The following KCNAB2 variants were observed in gnomAD, a reference collection of about 807,000 sequenced individuals.
KCNAB2 encodes potassium voltage-gated channel subfamily A regulatory beta subunit 2.
KCNAB2 carries 29 observed loss-of-function variants against 63.6 expected under a neutral mutation model. The ratio of observed to expected loss-of-function variants is 0.46; its 90% CI spans 0.34 to 0.62. The LOEUF is 0.62. KCNAB2 is among the 20% of genes least tolerant of loss of function. KCNAB2 has a pLI of 0.01. For missense variants in KCNAB2, 359 were observed against 563.9 expected, an observed-to-expected ratio of 0.64 and a Z score of 3.68; for synonymous variants, 222 against 224.2, an observed-to-expected ratio of 0.99 and a Z score of 0.09.
upstream of KCNAB2, chr1:6,041,927 T>C (rs1660533630): frequency 3.3e-6 from 5 of 1,502,102 alleles, no homozygotes; most frequent in African/African-American, 2.8e-5. Flanking sequence ...AGGGAGCGGG[T>C]GGGAGGACTG....
rs147160268 is a variant in KCNAB2, at chr1:6,091,835, A to C, written c.646+528A>C. Among the ~76,000 whole-genome samples, 803 of 152,246 alleles carry C rather than the reference A, an allele frequency of 5.3e-3. 3 individuals are homozygous for C. The highest frequency in any genetic ancestry group is 0.018 in the African/African-American group (755 of 41,538). ...CACAGCACGCTGCTCCTCGGACGGCATGCTGGCTGCGTGTCCCCTCTCACC... is the reference window on the plus strand; with the variant it reads ...CACAGCACGCTGCTCCTCGGACGGCCTGCTGGCTGCGTGTCCCCTCTCACC... On this transcript the variant is annotated intron_variant, in intron 10 of 15. Coordinates refer to ENST00000378083, the MANE Select transcript of KCNAB2 (RefSeq NM_001199862.2).
chr1:6,019,722 G>A (rs561990883), intron 1 of KCNAB2, among the ~76,000 whole-genome samples: 38 of 152,330 alleles, frequency 2.5e-4, no homozygotes, highest in Admixed American at 2.2e-3. Flanking sequence ...CGTGCAGCAC[G>A]TGCTGCACAG....
chr1:6,074,687 CGGT>C lies in KCNAB2; in HGVS notation c.300+919_300+921del, dbSNP rs1663514666. On this transcript the variant is annotated intron_variant, in intron 4 of 15. Transcript: ENST00000378083. The surrounding 1 kb of genome is among the most constrained non-coding windows in gnomAD (Gnocchi z 4.9). Reference sequence around the variant, plus strand: ...CTTTAAGACACTAGCTGGCCGGGCGCGGTGACTCACACCTGTAACCCCAGCACT... The same window carrying C: ...CTTTAAGACACTAGCTGGCCGGGCGCGACTCACACCTGTAACCCCAGCACT... Among the ~76,000 whole-genome samples the C allele has an allele frequency of 6.6e-6, 1 of 152,128 alleles. No homozygotes were observed. Among genetic ancestry groups the C allele is most frequent in the Non-Finnish European group, 1.5e-5 (1 of 68,030 alleles).
chr1:6,004,969 G>C (rs577272925), intron 1 of KCNAB2, among the ~76,000 whole-genome samples: 2 of 134,464 alleles, frequency 1.5e-5, no homozygotes, highest in Non-Finnish European at 1.6e-5. Flanking sequence ...GAGCTGAGCT[G>C]AGGGATGAGG....
Position 6,098,499 on chromosome 1 carries a change from GTCA to G in KCNAB2, c.1176_1178del (p.Ser394del). The G allele has an allele frequency of 1.9e-6, 3 of 1,613,944 alleles. No homozygotes were observed. Among genetic ancestry groups the G allele is most frequent in the Non-Finnish European group, 2.5e-6 (3 of 1,179,954 alleles). ...CTTGCACGCAGGTCCTTCCGAAACT[GTCA>G]TCTTCCATTATCCACGAGATTGATA... On this transcript the variant is annotated inframe_deletion, in exon 16 of 16. Transcript: ENST00000378083.
rs1299054189 is a variant in KCNAB2 at position 6,071,794 on chromosome 1, TAGGGCACCTCCTGCCGCG to T, written c.219-943_219-926del. 5.5e-4 allele frequency among the ~76,000 whole-genome samples: 80 copies of T among 146,352 alleles called. No homozygotes were observed. Among genetic ancestry groups the T allele is most frequent in the African/African-American group, 1.7e-3 (66 of 39,180 alleles). On this transcript the variant is annotated intron_variant, in intron 2 of 15. Coordinates refer to ENST00000378083, the MANE Select transcript of KCNAB2 (RefSeq NM_001199862.2). This position sits in a 1 kb window ranked among gnomAD's most constrained non-coding sequence, Gnocchi z 8.5. ...TGCCGCGTGGGCTCCTCCTGCCACA[TAGGGCACCTCCTGCCGCG>T]AGGGCACCTCCTGCCGCATAGGGCA...
At chr1:6,016,936 A>C (rs945795755) in intron 1 of KCNAB2, among the ~76,000 whole-genome samples, 1 of 152,134 alleles carries the variant, frequency 6.6e-6, no homozygotes, top group African/African-American at 2.4e-5. Flanking sequence ...CCAGGAGAGG[A>C]GGTTATGGTC....
At chr1:6,012,818 G>A (rs12748626) in intron 1 of KCNAB2, among the ~76,000 whole-genome samples, 1 of 152,012 alleles carries the variant, frequency 6.6e-6, no homozygotes, top group Non-Finnish European at 1.5e-5. Flanking sequence ...GGAGGTGACA[G>A]CAGTGGTGGT....
chr1:6,065,356 A>G (rs908667796), intron 2 of KCNAB2, among the ~76,000 whole-genome samples: 3 of 152,222 alleles, frequency 2.0e-5, no homozygotes, highest in African/African-American at 7.2e-5. Context: ...ATCCTGCTTC[A>G]TTAATAATGA....
intron 15 of KCNAB2, chr1:6,097,940 G>A (rs1471241216): frequency 1.2e-5 from 2 of 173,630 alleles, no homozygotes; most frequent in African/African-American, 2.4e-5. Flanking sequence ...CCATCGGGGA[G>A]GCTTTGGGAA....
chr1:6,090,623 G>A, intron 9 of KCNAB2, 148 bp downstream of exon 9: 1 of 626,908 alleles, frequency 1.6e-6, no homozygotes, highest in South Asian at 1.9e-5. Flanking sequence ...GGGGCGAGGG[G>A]GCAGGCCTCC....
chr1:6,040,290 C>T (rs1660389353), intron 1 of KCNAB2, among the ~76,000 whole-genome samples: 1 of 152,164 alleles, frequency 6.6e-6, no homozygotes, highest in Non-Finnish European at 1.5e-5. Flanking sequence ...GGAAACCCTT[C>T]TCACAGTTGT....
At chr1:6,045,284 A>T (rs1660821584), upstream of KCNAB2, among the ~76,000 whole-genome samples, 1 of 152,140 alleles carries the variant, frequency 6.6e-6, no homozygotes, top group African/African-American at 2.4e-5. This position sits in a 1 kb window ranked among gnomAD's most constrained non-coding sequence, Gnocchi z 4.8. Flanking sequence ...CAGCCGGAAG[A>T]TGATGTCACG....
At position 6,073,342 on chromosome 1, in the gene KCNAB2, G is replaced by A. The variant is rs1429285746; in HGVS notation, c.263-391G>A. Among the ~76,000 whole-genome samples the A allele has an allele frequency of 1.7e-4, 25 of 150,576 alleles. No individual in the cohort carries two copies. Among genetic ancestry groups the A allele is most frequent in the Middle Eastern group, 3.4e-3 (1 of 294 alleles). ...CCACTGCCCTGACACCGCCCTCCCC[G>A]CTCTGTCCCAGCAGGAGCACGCAGA... On this transcript the variant is annotated intron_variant, in intron 3 of 15. Transcript: ENST00000378083. The surrounding 1 kb of genome is among the most constrained non-coding windows in gnomAD (Gnocchi z 5.7).
Position 6,071,812 on chromosome 1 carries a change from G to GAGGGCACCTCCTGCCGCAT in KCNAB2, c.219-925_219-907dup, listed in dbSNP as rs1163226300. On this transcript the variant is annotated intron_variant, in intron 2 of 15. Coordinates refer to ENST00000378083, the MANE Select transcript of KCNAB2 (RefSeq NM_001199862.2). This position sits in a 1 kb window ranked among gnomAD's most constrained non-coding sequence, Gnocchi z 8.5. ...TGCCACATAGGGCACCTCCTGCCGC[G>GAGGGCACCTCCTGCCGCAT]AGGGCACCTCCTGCCGCATAGGGCA... Among the ~76,000 whole-genome samples, 1 of 150,712 alleles carries GAGGGCACCTCCTGCCGCAT rather than the reference G, an allele frequency of 6.6e-6. No individual in the cohort carries two copies. The highest frequency in any genetic ancestry group is 1.5e-5 in the Non-Finnish European group (1 of 67,544).
At chr1:5,999,815 C>G (rs1657135208) in intron 1 of KCNAB2, among the ~76,000 whole-genome samples, 3 of 152,120 alleles carry the variant, frequency 2.0e-5, no homozygotes, top group Admixed American at 6.5e-5. Context: ...TGTCTGCACC[C>G]TGCCTGCGCC....
intron 1 of KCNAB2, among the ~76,000 whole-genome samples, chr1:6,047,588 C>A (rs2100507125): frequency 6.6e-6 from 1 of 152,302 alleles, no homozygotes; most frequent in Admixed American, 6.5e-5. Context: ...CCCGCCCCCA[C>A]CAACAGCTGC....
intron 1 of KCNAB2, among the ~76,000 whole-genome samples, chr1:6,004,692 C>T (rs116719304): frequency 0.032 from 4,808 of 152,066 alleles, 242 homozygotes; most frequent in African/African-American, 0.11. Context: ...ATGGCCTCAT[C>T]GCAGGATTTC....
At chr1:6,068,030 CA>C (rs569655748) in intron 2 of KCNAB2, among the ~76,000 whole-genome samples, 2 of 151,666 alleles carry the variant, frequency 1.3e-5, no homozygotes, top group East Asian at 1.9e-4. Context: ...GAGCCTGTCT[CA>C]AAAAAAATAA....
Sources: gnomAD v4.1 joint callset for allele counts (sites outside exome capture counted in the v4.1 genomes callset) on GRCh38, gnomAD v4.1.1 for gene constraint, Gnocchi (gnomAD v3.1) non-coding constraint, MANE v1.5 for transcripts, NCBI Gene and HGNC (gene_info 2026-07-23, HGNC 2026-07-21) for gene names.